LOC128462377: variants seen among roughly 807,000 people sequenced by gnomAD.
chr16:89,342,951 A>C, the LOC128462377 span, among the ~76,000 whole-genome samples: 1 of 151,280 alleles, frequency 6.6e-6, no homozygotes, highest in African/African-American at 2.5e-5. Context: ...TACATGCTTC[A>C]TAATTCCGAA....
At chr16:89,374,455 T>A in the LOC128462377 span, among the ~76,000 whole-genome samples, 104 of 152,066 alleles carry the variant, frequency 6.8e-4, no homozygotes, top group Non-Finnish European at 1.0e-3. Context: ...CAGAAAAGCC[T>A]AAAATACCAC....
the LOC128462377 span, among the ~76,000 whole-genome samples, chr16:89,414,430 G>A: frequency 2.6e-5 from 4 of 152,286 alleles, no homozygotes; most frequent in South Asian, 2.1e-4. Context: ...TCACGCAGCC[G>A]CACCGCCTGA....
the LOC128462377 span, among the ~76,000 whole-genome samples, chr16:89,334,350 G>A: frequency 6.6e-6 from 1 of 151,856 alleles, no homozygotes; most frequent in East Asian, 1.9e-4. Context: ...ACATGTGAGG[G>A]TACCCCAAGA....
the LOC128462377 span, among the ~76,000 whole-genome samples, chr16:89,416,302 T>A: frequency 1.4e-5 from 2 of 147,424 alleles, no homozygotes; most frequent in African/African-American, 5.0e-5. Flanking sequence ...AATCCATCGA[T>A]TTTTTTTTTT....
chr16:89,396,079 G>C, the LOC128462377 span: 5 of 152,184 alleles, frequency 3.3e-5, no homozygotes, highest in Admixed American at 6.5e-5. Context: ...ATGAAGGAAA[G>C]ACAGCTGCAA....
At chr16:89,321,757 T>C in the LOC128462377 span, among the ~76,000 whole-genome samples, 2 of 152,028 alleles carry the variant, frequency 1.3e-5, no homozygotes, top group African/African-American at 2.4e-5. Context: ...AGGGATGGAA[T>C]GTAAGCAGAG....
the LOC128462377 span, among the ~76,000 whole-genome samples, chr16:89,377,268 GGA>G: frequency 6.6e-6 from 1 of 150,488 alleles, no homozygotes. Flanking sequence ...TGTCAACATG[GGA>G]GAGAGAGAGA....
the LOC128462377 span, among the ~76,000 whole-genome samples, chr16:89,397,579 C>T: frequency 6.6e-6 from 1 of 152,248 alleles, no homozygotes; most frequent in Admixed American, 6.5e-5. Flanking sequence ...GGCTGCAGGA[C>T]AAAGGTGTGC....
chr16:89,368,395 T>G, the LOC128462377 span, among the ~76,000 whole-genome samples: 3 of 138,838 alleles, frequency 2.2e-5, no homozygotes, highest in South Asian at 2.4e-4. Flanking sequence ...TTTTTTTTTT[T>G]TTTTTTTAGT....
At chr16:89,352,297 C>G in the LOC128462377 span, among the ~76,000 whole-genome samples, 15,938 of 151,856 alleles carry the variant, frequency 0.1, 1,080 homozygotes, top group Admixed American at 0.17. Flanking sequence ...AGGTATGCAT[C>G]ACGCCACGCG....
chr16:89,362,334 T>C, the LOC128462377 span, among the ~76,000 whole-genome samples: 1 of 152,178 alleles, frequency 6.6e-6, no homozygotes, highest in Non-Finnish European at 1.5e-5. Flanking sequence ...TCACGACACC[T>C]TGCACAGCCC....
the LOC128462377 span, among the ~76,000 whole-genome samples, chr16:89,346,271 G>T: frequency 9.5e-6 from 1 of 105,744 alleles, no homozygotes; most frequent in Non-Finnish European, 2.1e-5. Context: ...AAAAAAAAAA[G>T]AATCAACACA....
the LOC128462377 span, among the ~76,000 whole-genome samples, chr16:89,364,307 C>G: frequency 6.6e-6 from 1 of 152,266 alleles, no homozygotes; most frequent in East Asian, 1.9e-4. Flanking sequence ...GTATGACCAG[C>G]AGAAAACCAC....
chr16:89,412,967 G>C, the LOC128462377 span, among the ~76,000 whole-genome samples: 2 of 152,098 alleles, frequency 1.3e-5, no homozygotes, highest in African/African-American at 2.4e-5. Flanking sequence ...GCACACATGA[G>C]GGAAAACAGC....
chr16:89,405,971 G>T, the LOC128462377 span, among the ~76,000 whole-genome samples: 1 of 152,052 alleles, frequency 6.6e-6, no homozygotes, highest in Non-Finnish European at 1.5e-5. Flanking sequence ...CTTACCGGGC[G>T]TGGTGGCACA....
the LOC128462377 span, among the ~76,000 whole-genome samples, chr16:89,355,945 G>A: frequency 1.1e-4 from 16 of 152,280 alleles, no homozygotes; most frequent in Non-Finnish European, 2.2e-4. Context: ...TAAGTGACTC[G>A]CCCAAGACCA....
chr16:89,411,299 G>A, the LOC128462377 span, among the ~76,000 whole-genome samples: 3 of 141,784 alleles, frequency 2.1e-5, no homozygotes, highest in African/African-American at 8.4e-5. Context: ...CCAGCAGCCA[G>A]CACTGCCTTC....
At chr16:89,360,552 A>C in the LOC128462377 span, 20 of 152,380 alleles carry the variant, frequency 1.3e-4, no homozygotes, top group African/African-American at 4.8e-4. Flanking sequence ...CAGTGGTTCC[A>C]ATATTTACTT....
At chr16:89,376,620 C>G in the LOC128462377 span, among the ~76,000 whole-genome samples, 5 of 151,992 alleles carry the variant, frequency 3.3e-5, no homozygotes. Context: ...GTATTTTTAG[C>G]AGAGACGAGG....
Sources: gnomAD v4.1 joint callset for allele counts (sites outside exome capture counted in the v4.1 genomes callset) on GRCh38, gnomAD v4.1.1 for gene constraint, MANE v1.5 for transcripts.